The following CHD9 variants were observed in gnomAD, a reference collection of about 807,000 sequenced individuals.
CHD9 encodes chromodomain helicase DNA binding protein 9.
A neutral mutation model predicts 316.1 loss-of-function variants in CHD9; 77 were observed. That is an observed-to-expected ratio of 0.24 (90% CI 0.20 to 0.29). The LOEUF (loss-of-function observed/expected upper bound fraction) is 0.29, where lower values mean the gene tolerates loss of function less well. Among genes scored for constraint, CHD9 ranks in the 10% least tolerant of loss-of-function variants. The pLI, the probability that CHD9 is intolerant of heterozygous loss-of-function variation, is 1.00. For synonymous variants in CHD9, 1,129 were observed against 1,158.3 expected (o/e 0.97, Z 0.51); for missense variants, 2,763 against 3,438.1 (o/e 0.80, Z 4.91).
chr16:53,109,330 G>T (rs918803001), intron 1 of CHD9, among the ~76,000 whole-genome samples: 7 of 152,228 alleles, frequency 4.6e-5, no homozygotes, highest in Non-Finnish European at 8.8e-5. Flanking sequence ...TTTGGGACTC[G>T]TAGTCCAGCT....
At chr16:53,090,066 C>A (rs1326789343) in intron 1 of CHD9, among the ~76,000 whole-genome samples, 1 of 152,226 alleles carries the variant, frequency 6.6e-6, no homozygotes, top group East Asian at 1.9e-4. Context: ...AAGAATCCCC[C>A]AGTCAAATGA....
chr16:53,253,662 T>A (rs1013801746), intron 17 of CHD9, among the ~76,000 whole-genome samples: 2 of 152,136 alleles, frequency 1.3e-5, no homozygotes, highest in African/African-American at 4.8e-5. Context: ...TTTAGAAATT[T>A]AGCGTTAGAC....
intron 2 of CHD9, among the ~76,000 whole-genome samples, chr16:53,195,628 A>T (rs2044841507): frequency 6.6e-6 from 1 of 151,942 alleles, no homozygotes; most frequent in Non-Finnish European, 1.5e-5. Context: ...GGCCAGCAGG[A>T]GAGTATCTCT....
chr16:53,253,441 G>A (rs2050297029), intron 17 of CHD9, among the ~76,000 whole-genome samples: 2 of 152,246 alleles, frequency 1.3e-5, no homozygotes, highest in South Asian at 4.1e-4. Flanking sequence ...GGGGACTTGG[G>A]GAGAAGAGTG....
At chr16:53,251,077 A>T (rs1486262909) in intron 17 of CHD9, among the ~76,000 whole-genome samples, 4 of 152,230 alleles carry the variant, frequency 2.6e-5, no homozygotes, top group Non-Finnish European at 4.4e-5. Flanking sequence ...TAAGCCAGAG[A>T]CCACCAACTC....
At position 53,326,389 on chromosome 16, in the gene CHD9, T is replaced by TA. The variant is rs756892494; in HGVS notation, c.*1495dup. 5 of 152,488 alleles carry TA rather than the reference T, an allele frequency of 3.3e-5. No homozygotes were observed. Among genetic ancestry groups the TA allele is most frequent in the Admixed American group, 6.5e-5 (1 of 15,268 alleles). The allele number at this position is 152,488 out of a possible 1,614,324, so 9.4% of individuals were successfully genotyped here. A position where few individuals can be genotyped will look rare whatever the true frequency, so the allele number is the denominator to read the frequency against. On this transcript the variant is annotated 3_prime_UTR_variant, in exon 39 of 39. Coordinates refer to ENST00000447540, the MANE Select transcript of CHD9 (RefSeq NM_001308319.2). ...TCCCAGTTCTCTCCTACAGAAAAAA[T>TA]ACTTTCAGTATGTTTTGATAAAACT...
chr16:53,067,946 C>T (rs554133009), intron 1 of CHD9, among the ~76,000 whole-genome samples: 9 of 152,164 alleles, frequency 5.9e-5, no homozygotes, highest in Non-Finnish European at 1.3e-4. Context: ...GTGGTACCAG[C>T]TACTTGGGGT....
intron 24 of CHD9, among the ~76,000 whole-genome samples, chr16:53,281,529 A>G (rs2053416158): frequency 1.3e-5 from 2 of 152,312 alleles, no homozygotes; most frequent in Non-Finnish European, 2.9e-5. Context: ...TCCTTCACAC[A>G]GCAGCCAGAG....
chr16:53,217,211 A>T (rs1465276025), intron 3 of CHD9, among the ~76,000 whole-genome samples: 2 of 152,104 alleles, frequency 1.3e-5, no homozygotes, highest in Non-Finnish European at 1.5e-5. Context: ...TGTAGAATGT[A>T]CATCAATTTG....
At chr16:53,202,944 T>C (rs1489165989) in intron 2 of CHD9, among the ~76,000 whole-genome samples, 1 of 152,126 alleles carries the variant, frequency 6.6e-6, no homozygotes, top group South Asian at 2.1e-4. Context: ...AATCTAAGGG[T>C]AAAATTCAGG....
intron 31 of CHD9, among the ~76,000 whole-genome samples, chr16:53,305,096 C>G (rs1037672510): frequency 2.0e-5 from 3 of 148,394 alleles, no homozygotes; most frequent in African/African-American, 7.5e-5. Context: ...GAGTCTCGCT[C>G]TGTCGCCCAG....
intron 30 of CHD9, among the ~76,000 whole-genome samples, chr16:53,297,381 A>C (rs1428156442): frequency 6.6e-6 from 1 of 152,242 alleles, no homozygotes; most frequent in Non-Finnish European, 1.5e-5. Context: ...ACTGAGTCTT[A>C]AGAAAACAGG....
In CHD9 at chr16:53,324,914, A is replaced by T; in HGVS notation, c.*19A>T. ...AGACTGATTCCCAGACTCTGCACTT[A>T]AAATATGAACTGATTTTGGATTTTT... On this transcript the variant is annotated 3_prime_UTR_variant, in exon 39 of 39. Transcript: ENST00000447540. 10 of 1,539,362 alleles carry T rather than the reference A, an allele frequency of 6.5e-6. No individual in the cohort carries two copies. The highest frequency in any genetic ancestry group is 7.8e-6 in the Non-Finnish European group (9 of 1,147,518).
chr16:53,121,758 A>G (rs964174391), intron 1 of CHD9: 2 of 161,776 alleles, frequency 1.2e-5, no homozygotes, highest in African/African-American at 4.8e-5. Flanking sequence ...CTTGAACAAG[A>G]GCCTGAAAAA....
chr16:53,287,392 GA>G (rs1050281320), intron 26 of CHD9, among the ~76,000 whole-genome samples: 9 of 152,212 alleles, frequency 5.9e-5, no homozygotes, highest in African/African-American at 2.2e-4. Flanking sequence ...TACCCAAAGA[GA>G]AAAGTAAGGA....
rs1567554428 is a variant in CHD9, at chr16:53,247,334, A to C, written c.3496A>C (p.Asn1166His). 1 of 1,605,584 alleles carries C rather than the reference A, an allele frequency of 6.2e-7. No individual in the cohort carries two copies. Among genetic ancestry groups the C allele is most frequent in the African/African-American group, 1.3e-5 (1 of 74,852 alleles). ...KILGEFRDTY[N>H]PAASDFHLQA... is the part of the protein sequence containing the mutation. ...ACTTGGAGAATTTAGAGATACTTACAATCCAGCTGCTTCTGATTTTCATCT... is the reference window on the plus strand; with the variant it reads ...ACTTGGAGAATTTAGAGATACTTACCATCCAGCTGCTTCTGATTTTCATCT... The change falls in exon 16 of 39, where the codon AAT becomes CAT. Residue 1166 changes from asparagine (N) to histidine (H), a missense_variant. By Grantham distance (68) the Asn-to-His change is moderately conservative. Coordinates refer to ENST00000447540, the MANE Select transcript of CHD9 (RefSeq NM_001308319.2).
At chr16:53,164,632 G>GT (rs57354712) in intron 2 of CHD9, among the ~76,000 whole-genome samples, 35,380 of 146,484 alleles carry the variant, frequency 0.24, 4,533 homozygotes, top group Middle Eastern at 0.31. Context: ...TCTGTTTTTT[G>GT]TTTTTTTTTT....
At chr16:53,214,874 G>A (rs2152886120) in intron 3 of CHD9, among the ~76,000 whole-genome samples, 1 of 151,682 alleles carries the variant, frequency 6.6e-6, no homozygotes, top group Admixed American at 6.6e-5. Flanking sequence ...ATTATTAAAT[G>A]ATTCCTGATT....
chr16:53,227,572 A>G lies in CHD9; in HGVS notation c.2137A>G (p.Thr713Ala), dbSNP rs968205937. Residue 713 changes from threonine to alanine, a missense_variant, in exon 7 of 39, where the codon ACA (threonine) becomes GCA (alanine). By Grantham distance (58) the Thr-to-Ala change is moderately conservative. Transcript: ENST00000447540. ...KEISPGVMIDTEEFFVKYKNY... is the reference protein window; with the variant it reads ...KEISPGVMIDAEEFFVKYKNY... Reference sequence around the variant, plus strand: ...GATATCACCTGGAGTGATGATTGATACAGAAGAATTTTTTGTAAAATACAA... The same window carrying G: ...GATATCACCTGGAGTGATGATTGATGCAGAAGAATTTTTTGTAAAATACAA... The G allele has an allele frequency of 1.1e-5, 15 of 1,396,038 alleles. No individual in the cohort carries two copies. The African/African-American group carries it at 2.2e-4, about 21-fold the overall frequency. The allele number at this position is 1,396,038 out of a possible 1,614,324, so 86.5% of individuals were successfully genotyped here.
Sources: gnomAD v4.1 joint callset for allele counts (sites outside exome capture counted in the v4.1 genomes callset) on GRCh38, gnomAD v4.1.1 for gene constraint, MANE v1.5 for transcripts, NCBI Gene and HGNC (gene_info 2026-07-23, HGNC 2026-07-21) for gene names.